Variants in SLC7A6 observed in about 807,000 individuals in gnomAD.
SLC7A6 encodes the protein solute carrier family 7 member 6, also known as Y+L amino acid transporter 2.
In SLC7A6, 29 loss-of-function variants were observed where a neutral mutation model predicts 46.6. The ratio of observed to expected loss-of-function variants is 0.62; its 90% CI spans 0.46 to 0.85. SLC7A6 has a LOEUF of 0.85. Ranked by LOEUF, SLC7A6 falls within the 40% of genes least tolerant of loss-of-function variation. SLC7A6 has a pLI of 0.00. For synonymous variants in SLC7A6, 276 were observed against 257.3 expected (o/e 1.07, Z -0.70); for missense variants, 527 against 647.6 (o/e 0.81, Z 2.02).
rs2043263953 is a variant in SLC7A6, at chr16:68,301,092, A to G, written c.*3764A>G. The G allele has an allele frequency of 2.3e-6, 3 of 1,307,988 alleles. No individual in the cohort carries two copies. The highest frequency in any genetic ancestry group is 2.9e-5 in the East Asian group (1 of 34,826). The allele number at this position is 1,307,988 out of a possible 1,614,324, so 81.0% of individuals were successfully genotyped here. ...GGCAAAGGGGTCCTACTGTAAGTGG[A>G]AAAGACTCACTCCCCTAACATAAGT... On this transcript the variant is annotated 3_prime_UTR_variant, in exon 11 of 11. Coordinates refer to ENST00000219343, the MANE Select transcript of SLC7A6 (RefSeq NM_003983.6).
intron 4 of SLC7A6, among the ~76,000 whole-genome samples, chr16:68,288,271 G>A (rs2042978341): frequency 6.6e-6 from 1 of 152,190 alleles, no homozygotes; most frequent in Admixed American, 6.5e-5. Context: ...CAGGGTATAT[G>A]GAGCTGGAAG....
At chr16:68,275,596 C>CAAA (rs10578259) in intron 3 of SLC7A6, among the ~76,000 whole-genome samples, 13 of 100,618 alleles carry the variant, frequency 1.3e-4, no homozygotes, top group South Asian at 3.4e-4. Context: ...ACTCTGTCTC[C>CAAA]AAAAAAAAAA....
chr16:68,296,183 G>T (rs564153220), intron 8 of SLC7A6, among the ~76,000 whole-genome samples, 181 bp from the exon 9 acceptor site: 1 of 152,214 alleles, frequency 6.6e-6, no homozygotes, highest in South Asian at 2.1e-4. Context: ...CTACCCTGAG[G>T]GTTAATGTAC....
At chr16:68,279,211 G>A (rs2042784613) in intron 3 of SLC7A6, among the ~76,000 whole-genome samples, 1 of 151,104 alleles carries the variant, frequency 6.6e-6, no homozygotes, top group Admixed American at 6.6e-5. Flanking sequence ...TGGCAGTGGT[G>A]TGCATCTGTA....
intron 8 of SLC7A6, among the ~76,000 whole-genome samples, chr16:68,295,947 A>G (rs1450750630): frequency 1.3e-5 from 2 of 152,148 alleles, no homozygotes; most frequent in Non-Finnish European, 2.9e-5. Context: ...GCTAGTTAGC[A>G]TTTCTCAGGC....
At chr16:68,276,210 G>A (rs951647650) in intron 3 of SLC7A6, among the ~76,000 whole-genome samples, 2 of 152,202 alleles carry the variant, frequency 1.3e-5, no homozygotes, top group African/African-American at 4.8e-5. Context: ...TTGAGTTTCT[G>A]CAGATAGAAC....
intron 3 of SLC7A6, among the ~76,000 whole-genome samples, chr16:68,286,091 CAAAAAAAAAAAA>C (rs1165671231): frequency 2.3e-5 from 1 of 44,236 alleles, no homozygotes; most frequent in Non-Finnish European, 4.4e-5. Flanking sequence ...GACCCTGTCT[CAAAAAAAAAAAA>C]AAAAAAAAAA....
In SLC7A6 at chr16:68,275,053, A is replaced by T. The variant is rs1230513993; in HGVS notation, c.327A>T (p.Gly109=). ...TGGGGACCACCATCACCAAGTCGGGAGCCAGCTACGCTTATATTCTAGAGG... is the reference window on the plus strand; with the variant it reads ...TGGGGACCACCATCACCAAGTCGGGTGCCAGCTACGCTTATATTCTAGAGG... ...AELGTTITKS[G]ASYAYILEAF... Residue 109 remains glycine, a synonymous_variant, in exon 3 of 11, where the codon GGA becomes GGT. Coordinates refer to ENST00000219343, the MANE Select transcript of SLC7A6 (RefSeq NM_003983.6). 1.2e-6 allele frequency: 2 copies of T among 1,613,992 alleles called. No homozygotes were observed. Among genetic ancestry groups the T allele is most frequent in the Non-Finnish European group, 8.5e-7 (1 of 1,180,030 alleles).
chr16:68,273,286 G>A (rs1400230575), intron 2 of SLC7A6, among the ~76,000 whole-genome samples: 2 of 152,190 alleles, frequency 1.3e-5, no homozygotes, highest in Non-Finnish European at 2.9e-5. Context: ...TTGTTGAACA[G>A]ATAAGAGACT....
At chr16:68,278,885 G>A (rs1371473231) in intron 3 of SLC7A6, among the ~76,000 whole-genome samples, 5 of 152,182 alleles carry the variant, frequency 3.3e-5, no homozygotes, top group South Asian at 4.1e-4. Context: ...CAGAAGGGGC[G>A]GCCGGGCAGA....
intron 4 of SLC7A6, chr16:68,290,091 G>T (rs1405158144): frequency 3.5e-6 from 1 of 286,346 alleles, no homozygotes; most frequent in Non-Finnish European, 6.5e-6. Flanking sequence ...GGCCAAGAAT[G>T]TCTTTGGTTT....
At chr16:68,277,158 C>T (rs192819589) in intron 3 of SLC7A6, among the ~76,000 whole-genome samples, 1 of 151,624 alleles carries the variant, frequency 6.6e-6, no homozygotes, top group East Asian at 2.0e-4. Flanking sequence ...ATGATCTCAG[C>T]TCACTGCAAC....
Position 68,296,472 on chromosome 16 carries a change from T to C in SLC7A6, c.1228T>C (p.Tyr410His), listed in dbSNP as rs1379897205. The C allele has an allele frequency of 6.2e-7, 1 of 1,614,200 alleles. No homozygotes were observed. The highest frequency in any genetic ancestry group is 8.5e-7 in the Non-Finnish European group (1 of 1,180,036). ...GGGCCTGTCTGTTGTTGGACAGCTC[T>C]ACCTCCGCTGGAAGGAGCCCAAGCG... is the stretch of plus-strand genomic sequence containing the variant. ...FVGLSVVGQL[Y>H]LRWKEPKRPR... Residue 410 changes from tyrosine to histidine, a missense_variant, in exon 9 of 11, where the codon TAC becomes CAC. Tyr to His is a moderately conservative substitution (Grantham distance 83). Transcript: ENST00000219343.
chr16:68,273,535 G>A (rs2042656981), intron 2 of SLC7A6, among the ~76,000 whole-genome samples: 1 of 152,052 alleles, frequency 6.6e-6, no homozygotes, highest in Non-Finnish European at 1.5e-5. Context: ...ATAGATTCTG[G>A]GTCCTTCATA....
intron 3 of SLC7A6, among the ~76,000 whole-genome samples, chr16:68,276,386 ATAT>A (rs1414575841): frequency 6.6e-6 from 1 of 152,208 alleles, no homozygotes; most frequent in Non-Finnish European, 1.5e-5. Context: ...GTACTTAATA[ATAT>A]TCTGTTCTTT....
At chr16:68,267,359 G>A (rs1482016000) in intron 2 of SLC7A6, among the ~76,000 whole-genome samples, 1 of 151,518 alleles carries the variant, frequency 6.6e-6, no homozygotes, top group East Asian at 1.9e-4. Flanking sequence ...GATTACAGGT[G>A]CCCACCACCA....
In SLC7A6 at chr16:68,297,861, G is replaced by A. The variant is rs909102880; in HGVS notation, c.*533G>A. On this transcript the variant is annotated 3_prime_UTR_variant, in exon 11 of 11. Coordinates refer to ENST00000219343, the MANE Select transcript of SLC7A6 (RefSeq NM_003983.6). ...TTTAGTCCAGAACACCAGTTCTAAC[G>A]AAGCATGCGTGTCTCTTCATCTACA... 2.6e-5 allele frequency: 4 copies of A among 152,718 alleles called. No individual in the cohort carries two copies. The highest frequency in any genetic ancestry group is 7.2e-5 in the African/African-American group (3 of 41,426). The allele number at this position is 152,718 out of a possible 1,614,324, so 9.5% of individuals were successfully genotyped here. A position where few individuals can be genotyped will look rare whatever the true frequency, so the allele number is the denominator to read the frequency against.
rs1013004027 is a variant in SLC7A6 at position 68,287,169 on chromosome 16, G to A, written c.524-577G>A. On this transcript the variant is annotated intron_variant, in intron 3 of 10. Transcript: ENST00000219343. ...ATTTTTGTATTTTTTGTAGGGACAGGGTTTCTCCATGTTGCCCAGGCTGGT... is the reference window on the plus strand; with the variant it reads ...ATTTTTGTATTTTTTGTAGGGACAGAGTTTCTCCATGTTGCCCAGGCTGGT... Among the ~76,000 whole-genome samples, 17 of 152,002 alleles carry A rather than the reference G, an allele frequency of 1.1e-4. No homozygotes were observed. In the East Asian group the frequency reaches 3.1e-3, roughly 28 times the overall value.
intron 4 of SLC7A6, 110 bp from the exon 5 acceptor site, chr16:68,290,286 T>A (rs2043021272): frequency 1.3e-5 from 15 of 1,158,362 alleles, no homozygotes; most frequent in African/African-American, 4.6e-5. Context: ...CTTCCCTTCC[T>A]CTTTCCTATT....
Sources: allele counts gnomAD v4.1 joint callset (sites outside exome capture counted in the v4.1 genomes callset), GRCh38; gene constraint gnomAD v4.1.1; transcripts MANE v1.5; gene names NCBI Gene and HGNC (gene_info 2026-07-23, HGNC 2026-07-21).